The following PDZRN4 variants were observed in gnomAD, a reference collection of about 807,000 sequenced individuals.
PDZRN4 encodes the protein PDZ domain containing ring finger 4.
PDZRN4 carries 70 observed loss-of-function variants against 99.0 expected under a neutral mutation model. The ratio of observed to expected loss-of-function variants is 0.71; its 90% CI spans 0.58 to 0.86. The LOEUF (loss-of-function observed/expected upper bound fraction) is 0.86, where lower values mean the gene tolerates loss of function less well. Among genes scored for constraint, PDZRN4 ranks in the 40% least tolerant of loss-of-function variants. PDZRN4 has a pLI of 0.00. For missense variants in PDZRN4, 1,474 were observed against 1,331.2 expected (o/e 1.11, Z -1.67); for synonymous variants, 551 against 501.6 (o/e 1.10, Z -1.32).
intron 3 of PDZRN4, among the ~76,000 whole-genome samples, chr12:41,440,637 T>C (rs1324955765): frequency 6.6e-6 from 1 of 152,076 alleles, no homozygotes; most frequent in Non-Finnish European, 1.5e-5. Context: ...CTCAAGAAAA[T>C]TATTTTCAAC....
chr12:41,522,287 A>G (rs1366998332), intron 5 of PDZRN4, among the ~76,000 whole-genome samples: 1 of 152,202 alleles, frequency 6.6e-6, no homozygotes, highest in South Asian at 2.1e-4. Context: ...TCCAAAATGA[A>G]AGTGAAAGGG....
At chr12:41,557,227 C>G (rs1439982854) in intron 7 of PDZRN4, among the ~76,000 whole-genome samples, 2 of 151,150 alleles carry the variant, frequency 1.3e-5, no homozygotes, top group African/African-American at 2.4e-5. Flanking sequence ...CAGATCAACT[C>G]CAAGATAAGA....
Position 41,448,797 on chromosome 12 carries a change from GC to G in PDZRN4, c.844-57658del, listed in dbSNP as rs540092785. Among the ~76,000 whole-genome samples the G allele has an allele frequency of 9.2e-5, 14 of 152,242 alleles. No individual in the cohort carries two copies. The East Asian group carries it at 2.7e-3, about 29-fold the overall frequency. ...ATCAAATTTAAGAACAGCTGGGGGA[GC>G]GGGATTGACAAACATATTTTAATAT... On this transcript the variant is annotated intron_variant, in intron 3 of 9. Transcript: ENST00000402685.
At chr12:41,223,584 G>A (rs142253717) in intron 3 of PDZRN4, among the ~76,000 whole-genome samples, 105 of 152,222 alleles carry the variant, frequency 6.9e-4, no homozygotes, top group African/African-American at 2.4e-3. Context: ...AGTAATTTTT[G>A]TTTTTAAAAT....
At chr12:41,533,842 T>C (rs1938705121) in intron 5 of PDZRN4, among the ~76,000 whole-genome samples, 1 of 152,198 alleles carries the variant, frequency 6.6e-6, no homozygotes, top group South Asian at 2.1e-4. Flanking sequence ...CATTACATCA[T>C]ACTATGCCTC....
chr12:41,271,601 A>C (rs1477029585), intron 3 of PDZRN4, among the ~76,000 whole-genome samples: 1 of 152,016 alleles, frequency 6.6e-6, no homozygotes, highest in Admixed American at 6.6e-5. Flanking sequence ...GTTCTTCCAC[A>C]TTCTTGTATA....
At position 41,339,126 on chromosome 12, in the gene PDZRN4, CA is replaced by C. The variant is rs35203434; in HGVS notation, c.843+144949del. On this transcript the variant is annotated intron_variant, in intron 3 of 9. Coordinates refer to ENST00000402685, the MANE Select transcript of PDZRN4 (RefSeq NM_001164595.2). ...TCAAAGCAGCCAAAGTCATTCCGAG[CA>C]AAAAAAAAAACAAAATGGGAGGAAT... Among the ~76,000 whole-genome samples the C allele has an allele frequency of 3.4e-3, 481 of 143,550 alleles. 5 individuals are homozygous for C. The highest frequency in any genetic ancestry group is 0.012 in the African/African-American group (450 of 38,926). The allele number at this position is 143,550 out of a possible 152,430, so 94.2% of individuals were successfully genotyped here.
intron 3 of PDZRN4, among the ~76,000 whole-genome samples, chr12:41,394,695 A>G (rs1434780130): frequency 6.6e-6 from 1 of 152,060 alleles, no homozygotes; most frequent in East Asian, 1.9e-4. Context: ...TTGACCAGAG[A>G]CTTCAGTTCC....
rs75743266 is a variant in PDZRN4, at chr12:41,260,329, G to A, written c.843+66141G>A. Among the ~76,000 whole-genome samples the A allele has an allele frequency of 9.7e-4, 147 of 152,228 alleles. No individual in the cohort carries two copies. In the East Asian group the frequency reaches 0.021, roughly 21 times the overall value. The stretch of plus-strand genomic sequence containing the variant: ...TAACAGCAGAGATGTGTGGAGTGGG[G>A]AGTGTCCACTAAACAAAGGGTATGA... On this transcript the variant is annotated intron_variant, in intron 3 of 9. Transcript: ENST00000402685.
intron 5 of PDZRN4, among the ~76,000 whole-genome samples, chr12:41,510,850 G>A (rs186777071): frequency 9.9e-5 from 15 of 152,226 alleles, no homozygotes; most frequent in Admixed American, 2.0e-4. Flanking sequence ...GGGGATTACA[G>A]AAATCATTAT....
intron 3 of PDZRN4, among the ~76,000 whole-genome samples, chr12:41,500,028 G>A (rs1938082823): frequency 6.6e-6 from 1 of 151,930 alleles, no homozygotes; most frequent in South Asian, 2.1e-4. Context: ...AATAGGTTAG[G>A]CAACAGTCTT....
intron 3 of PDZRN4, among the ~76,000 whole-genome samples, chr12:41,309,898 A>G (rs1565548028): frequency 6.6e-6 from 1 of 152,046 alleles, no homozygotes; most frequent in Non-Finnish European, 1.5e-5. Flanking sequence ...AAAGCAAGCT[A>G]TCTCTTTTCA....
intron 3 of PDZRN4, among the ~76,000 whole-genome samples, chr12:41,446,958 A>C (rs945219585): frequency 6.6e-6 from 1 of 151,622 alleles, no homozygotes; most frequent in Non-Finnish European, 1.5e-5. Flanking sequence ...CAGAAAGATG[A>C]CTTATAGGAC....
At chr12:41,429,423 T>A (rs1417248490) in intron 3 of PDZRN4, among the ~76,000 whole-genome samples, 4 of 152,226 alleles carry the variant, frequency 2.6e-5, no homozygotes, top group African/African-American at 7.2e-5. Context: ...TATGTAGCCA[T>A]GCTTGAGGAC....
chr12:41,438,969 C>A (rs1952654839), intron 3 of PDZRN4, among the ~76,000 whole-genome samples: 1 of 152,192 alleles, frequency 6.6e-6, no homozygotes, highest in African/African-American at 2.4e-5. Flanking sequence ...CATGGCACAG[C>A]AGTAGCCAAG....
chr12:41,216,892 G>A (rs892110874), intron 3 of PDZRN4, among the ~76,000 whole-genome samples: 2 of 151,972 alleles, frequency 1.3e-5, no homozygotes, highest in Admixed American at 6.6e-5. Context: ...TAAAAAGGAG[G>A]CACCTGCCTT....
chr12:41,306,782 A>G (rs972423645), intron 3 of PDZRN4, among the ~76,000 whole-genome samples: 2 of 152,202 alleles, frequency 1.3e-5, no homozygotes, highest in Admixed American at 1.3e-4. Flanking sequence ...TCTGCCTTCC[A>G]CAAAACACTA....
At chr12:41,507,372 A>G (rs1428115912) in intron 4 of PDZRN4, among the ~76,000 whole-genome samples, 1 of 152,204 alleles carries the variant, frequency 6.6e-6, no homozygotes, top group African/African-American at 2.4e-5. Flanking sequence ...CAGTTTTAAA[A>G]GTATGCTTGC....
intron 5 of PDZRN4, among the ~76,000 whole-genome samples, chr12:41,524,403 A>G (rs964515281): frequency 6.6e-6 from 1 of 152,182 alleles, no homozygotes. Context: ...TTACATATGA[A>G]AGAACTGAGG....
Sources: gnomAD v4.1 joint callset for allele counts (sites outside exome capture counted in the v4.1 genomes callset) on GRCh38, gnomAD v4.1.1 for gene constraint, MANE v1.5 for transcripts, NCBI Gene and HGNC (gene_info 2026-07-23, HGNC 2026-07-21) for gene names.